The following FER variants were observed in gnomAD, a reference collection of about 807,000 sequenced individuals.
FER encodes FER tyrosine kinase.
A neutral mutation model predicts 111.0 loss-of-function variants in FER; 63 were observed. The observed-to-expected ratio is 0.57, with a 90% CI of 0.46 to 0.70. The LOEUF (loss-of-function observed/expected upper bound fraction) is 0.70. FER is among the 30% of genes least tolerant of loss of function. The probability of loss-of-function intolerance (pLI) is 0.00; values close to 1 mark genes in which losing one functional copy is unlikely to be tolerated. For missense variants in FER, 914 were observed against 954.0 expected, an observed-to-expected ratio of 0.96 and a Z score of 0.55; for synonymous variants, 327 against 313.9, an observed-to-expected ratio of 1.04 and a Z score of -0.44.
At chr5:108,808,614 A>G (rs1385641259) in intron 3 of FER, among the ~76,000 whole-genome samples, 2 of 152,044 alleles carry the variant, frequency 1.3e-5, no homozygotes, top group African/African-American at 4.8e-5. Context: ...TATTAATATT[A>G]ATATGTAAGA....
chr5:109,010,408 C>G (rs936128052), intron 13 of FER, among the ~76,000 whole-genome samples: 9 of 152,150 alleles, frequency 5.9e-5, no homozygotes, highest in Admixed American at 3.9e-4. Flanking sequence ...CCGCCCGCCT[C>G]GGCCTCTCAA....
chr5:109,164,104 G>A (rs11746231), intron 17 of FER, among the ~76,000 whole-genome samples: 57,159 of 151,954 alleles, frequency 0.38, 10,976 homozygotes, highest in Non-Finnish European at 0.4. Context: ...AAGTCCTAGT[G>A]GATTGGCTCA....
intron 13 of FER, among the ~76,000 whole-genome samples, chr5:108,970,188 A>G (rs945730072): frequency 1.4e-5 from 2 of 147,940 alleles, no homozygotes; most frequent in African/African-American, 2.7e-5. Context: ...GCTGCATTAT[A>G]TTTAATTTAT....
intron 3 of FER, among the ~76,000 whole-genome samples, chr5:108,816,116 A>G (rs568830384): frequency 6.6e-6 from 1 of 151,984 alleles, no homozygotes; most frequent in East Asian, 1.9e-4. Flanking sequence ...ACATGCTTTA[A>G]TCTATCAAAA....
intron 17 of FER, among the ~76,000 whole-genome samples, chr5:109,161,911 T>G (rs1756029995): frequency 6.6e-6 from 1 of 152,136 alleles, no homozygotes; most frequent in Admixed American, 6.6e-5. Context: ...CCTTTCTCTC[T>G]ACAACCTCAC....
chr5:108,835,695 G>GT lies in FER; in HGVS notation c.382-10dup. ...ACAATTTAATACATTTATGCATTTT[G>GT]TTTCTTTGACAGGTTACCAAAACAG... On this transcript the variant is annotated splice_polypyrimidine_tract_variant and intron_variant, in intron 4 of 19. Coordinates refer to ENST00000281092, the MANE Select transcript of FER (RefSeq NM_005246.4). 6.7e-7 allele frequency: 1 copy of GT among 1,501,810 alleles called. No homozygotes were observed. The highest frequency in any genetic ancestry group is 9.0e-7 in the Non-Finnish European group (1 of 1,109,104). The allele number at this position is 1,501,810 out of a possible 1,614,324, so 93.0% of individuals were successfully genotyped here.
At chr5:109,141,338 G>A (rs540584571) in intron 17 of FER, among the ~76,000 whole-genome samples, 1 of 152,298 alleles carries the variant, frequency 6.6e-6, no homozygotes, top group East Asian at 1.9e-4. Flanking sequence ...AATACTTGAA[G>A]ATAAAGGCAG....
intron 16 of FER, among the ~76,000 whole-genome samples, chr5:109,057,682 A>G (rs1773822020): frequency 6.6e-6 from 1 of 152,162 alleles, no homozygotes; most frequent in African/African-American, 2.4e-5. Context: ...ATTCATGAAG[A>G]TATAAAGAAC....
At chr5:109,120,512 A>G (rs76778954) in intron 17 of FER, among the ~76,000 whole-genome samples, 15,924 of 152,058 alleles carry the variant, frequency 0.1, 832 homozygotes, top group Non-Finnish European at 0.12. Context: ...GCTCTGTAGT[A>G]TATTTTATAG....
rs934416152 is a variant in FER at position 109,100,237 on chromosome 5, A to C, written c.1925-159A>C. On this transcript the variant is annotated intron_variant, in intron 16 of 19. Transcript: ENST00000281092. ...TTTTCTAATATGTTGTGTTCTTTTCATGTTTTCTGTTATCCTCACGTCAAA... is the reference window on the plus strand; with the variant it reads ...TTTTCTAATATGTTGTGTTCTTTTCCTGTTTTCTGTTATCCTCACGTCAAA... 1.1e-4 allele frequency among the ~76,000 whole-genome samples: 16 copies of C among 151,844 alleles called. No homozygotes were observed. In the South Asian group the frequency reaches 2.1e-3, roughly 20 times the overall value.
At chr5:109,028,484 C>T (rs951163474) in intron 13 of FER, among the ~76,000 whole-genome samples, 1 of 152,070 alleles carries the variant, frequency 6.6e-6, no homozygotes, top group African/African-American at 2.4e-5. Flanking sequence ...AAATAAATTA[C>T]TCTATTTTGG....
intron 13 of FER, among the ~76,000 whole-genome samples, chr5:109,024,536 AC>A (rs1486543006): frequency 2.0e-5 from 3 of 151,902 alleles, no homozygotes; most frequent in Non-Finnish European, 4.4e-5. Flanking sequence ...TCTGATAGAG[AC>A]CCCTTCTTCA....
intron 17 of FER, among the ~76,000 whole-genome samples, chr5:109,121,512 T>A (rs79292220): frequency 0.042 from 6,386 of 152,170 alleles, 163 homozygotes; most frequent in South Asian, 0.084. Flanking sequence ...CTTTGAGGAT[T>A]TTTGCATCAA....
intron 3 of FER, among the ~76,000 whole-genome samples, chr5:108,808,291 G>T (rs898104820): frequency 6.6e-6 from 1 of 151,364 alleles, no homozygotes; most frequent in Non-Finnish European, 1.5e-5. Context: ...TTCAATGTTG[G>T]GTGCATATAT....
At chr5:109,144,941 A>AGAGAT (rs1398808509) in intron 17 of FER, among the ~76,000 whole-genome samples, 3 of 152,096 alleles carry the variant, frequency 2.0e-5, no homozygotes, top group African/African-American at 7.2e-5. Flanking sequence ...CAAGCTATGA[A>AGAGAT]GAGATATGTG....
At chr5:108,921,888 C>T (rs1425413484) in intron 10 of FER, among the ~76,000 whole-genome samples, 1 of 152,084 alleles carries the variant, frequency 6.6e-6, no homozygotes, top group Non-Finnish European at 1.5e-5. Flanking sequence ...TTATGTGCCC[C>T]CAAAAGATAT....
chr5:109,160,046 T>C (rs1178086225), intron 17 of FER, among the ~76,000 whole-genome samples: 1 of 152,180 alleles, frequency 6.6e-6, no homozygotes, highest in Non-Finnish European at 1.5e-5. Flanking sequence ...ACCAGAGATA[T>C]CTTTTTGTCT....
At chr5:108,764,292 G>C in intron 1 of FER, among the ~76,000 whole-genome samples, 1 of 152,138 alleles carries the variant, frequency 6.6e-6, no homozygotes, top group Middle Eastern at 3.4e-3. Flanking sequence ...TAATCTTACT[G>C]TATATAGATA....
At chr5:109,098,982 T>G (rs776918606) in intron 16 of FER, among the ~76,000 whole-genome samples, 101 of 151,576 alleles carry the variant, frequency 6.7e-4, no homozygotes, top group Non-Finnish European at 1.4e-3. Context: ...CCACTAAGTC[T>G]TCACCTCTAT....
Sources: allele counts gnomAD v4.1 joint callset (sites outside exome capture counted in the v4.1 genomes callset), GRCh38; gene constraint gnomAD v4.1.1; transcripts MANE v1.5; gene names NCBI Gene and HGNC (gene_info 2026-07-23, HGNC 2026-07-21).